The following ATL3 variants were observed in gnomAD, a reference collection of about 807,000 sequenced individuals.
ATL3 encodes the protein atlastin GTPase 3.
ATL3 carries 49 observed loss-of-function variants against 69.5 expected under a neutral mutation model. The observed-to-expected ratio is 0.71, with a 90% CI of 0.56 to 0.89. ATL3 has a LOEUF of 0.89. Ranked by LOEUF, ATL3 falls within the 40% of genes least tolerant of loss-of-function variation. The pLI, the probability that ATL3 is intolerant of heterozygous loss-of-function variation, is 0.00. For synonymous variants in ATL3, 214 were observed against 224.1 expected, an observed-to-expected ratio of 0.95 and a Z score of 0.40; for missense variants, 606 against 645.7, an observed-to-expected ratio of 0.94 and a Z score of 0.67.
intron 1 of ATL3, 110 bp downstream of exon 1, chr11:63,671,180 G>A (rs1018328611): frequency 1.4e-6 from 2 of 1,443,494 alleles, no homozygotes; most frequent in African/African-American, 1.5e-5. Flanking sequence ...CGCGGTCCCA[G>A]CCCCGGGACG....
chr11:63,631,021 C>T lies in ATL3; in HGVS notation c.1539+19G>A. 1.3e-6 allele frequency: 2 copies of T among 1,568,374 alleles called. No individual in the cohort carries two copies. On this transcript the variant is annotated intron_variant, in intron 12 of 12. Transcript: ENST00000398868. ...TCTGCCCATTATCAACCCTCAGGCT[C>T]TTCAGCAGCACCACTTACCTGCTCC...
At chr11:63,658,970 G>A (rs1163032158) in intron 2 of ATL3, 66 bp from the exon 3 acceptor site, 1 of 1,598,980 alleles carries the variant, frequency 6.3e-7, no homozygotes, top group African/African-American at 1.3e-5. Flanking sequence ...GATAATCTAT[G>A]AGCTTATTTC....
At chr11:63,646,622 CT>C in intron 5 of ATL3, 59 bp from the exon 6 acceptor site, 1 of 1,161,702 alleles carries the variant, frequency 8.6e-7, no homozygotes, top group South Asian at 1.3e-5. Flanking sequence ...GTTCTATGGC[CT>C]TTTTAGCAAA....
At chr11:63,637,917 AG>A (rs1388658428) in intron 8 of ATL3, among the ~76,000 whole-genome samples, 1 of 152,254 alleles carries the variant, frequency 6.6e-6, no homozygotes, top group East Asian at 1.9e-4. Flanking sequence ...CATATACTAA[AG>A]AAACTCTGAA....
intron 5 of ATL3, among the ~76,000 whole-genome samples, chr11:63,648,686 G>A (rs1320138730): frequency 1.3e-5 from 2 of 152,166 alleles, no homozygotes; most frequent in South Asian, 2.1e-4. Context: ...GCACATGCCT[G>A]TAATCCCAGC....
intron 8 of ATL3, among the ~76,000 whole-genome samples, chr11:63,641,322 C>CAT (rs1939694492): frequency 6.6e-6 from 1 of 152,138 alleles, no homozygotes; most frequent in African/African-American, 2.4e-5. Context: ...TCATAATCTA[C>CAT]ATATATGTAT....
chr11:63,631,640 C>A (rs190454315), intron 11 of ATL3, among the ~76,000 whole-genome samples, 169 bp from the exon 12 acceptor site: 2 of 152,316 alleles, frequency 1.3e-5, no homozygotes. Context: ...TTCACTTCCT[C>A]TGAAAAGCAC....
chr11:63,663,618 A>C (rs2134535689), intron 1 of ATL3, among the ~76,000 whole-genome samples: 1 of 152,352 alleles, frequency 6.6e-6, no homozygotes, highest in African/African-American at 2.4e-5. Context: ...GCAGCAGGTA[A>C]ATCCAAGATC....
In ATL3 at chr11:63,647,604, T is replaced by G. The variant is rs181179713; in HGVS notation, c.562-1041A>C. Among the ~76,000 whole-genome samples, 117 of 152,374 alleles carry G rather than the reference T, an allele frequency of 7.7e-4. 2 individuals carry two copies. Among genetic ancestry groups the G allele is most frequent in the Non-Finnish European group, 6.5e-4 (44 of 68,036 alleles). The stretch of plus-strand genomic sequence containing the variant: ...TTAAACTCCATGAGGGCAGGAATAT[T>G]TGTCTGTTTTGTGCACTACTGGATT... On this transcript the variant is annotated intron_variant, in intron 5 of 12. Transcript: ENST00000398868.
At chr11:63,630,426 C>CAAA (rs758000337) in intron 12 of ATL3, among the ~76,000 whole-genome samples, 3 of 31,264 alleles carry the variant, frequency 9.6e-5, no homozygotes, top group African/African-American at 1.7e-4. Context: ...AAATCTGTCT[C>CAAA]AAAAAAAAAA....
At chr11:63,671,624 G>A, upstream of ATL3, 2 of 1,419,908 alleles carry the variant, frequency 1.4e-6, no homozygotes, top group Non-Finnish European at 1.8e-6. Context: ...CGCGAAGCGA[G>A]CCGCCGGGTA....
Position 63,652,578 on chromosome 11 carries a change from A to T in ATL3, c.406-3T>A, listed in dbSNP as rs1459828683. On this transcript the variant is annotated splice_polypyrimidine_tract_variant and splice_region_variant and intron_variant, in intron 3 of 12. Transcript: ENST00000398868. ...GTATCCATCAGAACAACTGCAACCTAAAAAAAAGGAAAATACAAACAAAAG... is the reference window on the plus strand; with the variant it reads ...GTATCCATCAGAACAACTGCAACCTTAAAAAAAGGAAAATACAAACAAAAG... 3.2e-6 allele frequency: 5 copies of T among 1,551,780 alleles called. No homozygotes were observed. Among genetic ancestry groups the T allele is most frequent in the Admixed American group, 1.8e-5 (1 of 54,092 alleles).
At chr11:63,636,399 C>T in intron 8 of ATL3, 65 bp from the exon 9 acceptor site, 6 of 1,598,522 alleles carry the variant, frequency 3.8e-6, no homozygotes, top group Non-Finnish European at 5.1e-6. Context: ...AAGGTGAACA[C>T]ACAATGCAGT....
intron 1 of ATL3, 126 bp downstream of exon 1, chr11:63,671,164 G>C (rs537714478): frequency 4.3e-6 from 6 of 1,406,266 alleles, no homozygotes; most frequent in African/African-American, 1.5e-5. Flanking sequence ...ACCCCGGCGA[G>C]GGACGCGCGG....
At chr11:63,632,410 C>CA in intron 11 of ATL3, 1 of 842,718 alleles carries the variant, frequency 1.2e-6, no homozygotes, top group South Asian at 1.3e-5. Flanking sequence ...TGATAGTATC[C>CA]AAAGAGGTGA....
intron 3 of ATL3, among the ~76,000 whole-genome samples, chr11:63,656,046 A>G (rs1940234286): frequency 6.6e-6 from 1 of 151,962 alleles, no homozygotes; most frequent in Non-Finnish European, 1.5e-5. Flanking sequence ...AACACAGTGA[A>G]ACCCCGTCTC....
chr11:63,671,195 A>C, intron 1 of ATL3, 95 bp downstream of exon 1: 1 of 1,453,992 alleles, frequency 6.9e-7, no homozygotes, highest in Non-Finnish European at 9.1e-7. Context: ...GGGACGAGGA[A>C]GGGCGGCGGC....
chr11:63,632,687 T>G, intron 11 of ATL3: 1 of 1,261,608 alleles, frequency 7.9e-7, no homozygotes, highest in Non-Finnish European at 1.2e-6. Context: ...GATTTTTATG[T>G]GCCAGCCTTA....
intron 1 of ATL3, 93 bp from the exon 2 acceptor site, chr11:63,659,345 G>A: frequency 9.1e-7 from 1 of 1,095,722 alleles, no homozygotes; most frequent in Non-Finnish European, 1.3e-6. Flanking sequence ...CAGGGGACAG[G>A]GCCAGGCTCA....
Sources: gnomAD v4.1 joint callset for allele counts (sites outside exome capture counted in the v4.1 genomes callset) on GRCh38, gnomAD v4.1.1 for gene constraint, MANE v1.5 for transcripts, NCBI Gene and HGNC (gene_info 2026-07-23, HGNC 2026-07-21) for gene names.